PLCE1: variants seen among roughly 807,000 people sequenced by gnomAD.
PLCE1 encodes 1-phosphatidylinositol 4,5-bisphosphate phosphodiesterase epsilon-1.
PLCE1 carries 119 observed loss-of-function variants against 242.8 expected under a neutral mutation model. The observed-to-expected ratio is 0.49, with a 90% CI of 0.42 to 0.57. The LOEUF (loss-of-function observed/expected upper bound fraction) is 0.57, where lower values mean the gene tolerates loss of function less well. PLCE1 is among the 20% of genes least tolerant of loss of function. The pLI, the probability that PLCE1 is intolerant of heterozygous loss-of-function variation, is 0.00. For synonymous variants in PLCE1, 945 were observed against 1,017.4 expected (o/e 0.93, Z 1.35); for missense variants, 2,441 against 2,788.8 (o/e 0.88, Z 2.81).
chr10:94,154,939 A>G (rs993565117), intron 3 of PLCE1, among the ~76,000 whole-genome samples: 4 of 124,950 alleles, frequency 3.2e-5, no homozygotes, highest in Admixed American at 2.8e-4. Context: ...GTACCACTTC[A>G]CCCACTAGGA....
chr10:94,252,664 A>T (rs1326942405), intron 9 of PLCE1, among the ~76,000 whole-genome samples, 166 bp downstream of exon 9: 1 of 152,200 alleles, frequency 6.6e-6, no homozygotes, highest in African/African-American at 2.4e-5. Context: ...TGCTAGTGCC[A>T]GGAACACCAG....
rs938125815 is a variant in PLCE1, at chr10:94,227,244, G to GAA, written c.1810-54_1810-53dup. On this transcript the variant is annotated intron_variant, in intron 4 of 32. Transcript: ENST00000371380. ...TTTAGAAAAACAAAGAATGCTTTTG[G>GAA]AAAAAAAAATTGCCAAGCTTCTAGG... 2.7e-6 allele frequency: 4 copies of GAA among 1,491,576 alleles called. No homozygotes were observed. The African/African-American group carries it at 5.5e-5, about 21-fold the overall frequency. The allele number at this position is 1,491,576 out of a possible 1,614,324, so 92.4% of individuals were successfully genotyped here.
Position 94,183,049 on chromosome 10 carries a change from T to C in PLCE1, c.1809+11553T>C, listed in dbSNP as rs2048360345. Among the ~76,000 whole-genome samples, 5 of 152,180 alleles carry C rather than the reference T, an allele frequency of 3.3e-5. No individual in the cohort carries two copies. In the South Asian group the frequency reaches 1.0e-3, roughly 32 times the overall value. ...ATCACTTAAATGACTCTGAACACTG[T>C]GGGAAAGATCAGGTCAGCTTTGGTC... On this transcript the variant is annotated intron_variant, in intron 4 of 32. Coordinates refer to ENST00000371380, the MANE Select transcript of PLCE1 (RefSeq NM_016341.4).
intron 3 of PLCE1, among the ~76,000 whole-genome samples, chr10:94,154,194 A>G (rs1167374597): frequency 6.6e-6 from 1 of 152,218 alleles, no homozygotes; most frequent in Non-Finnish European, 1.5e-5. Context: ...AATTTTCAAC[A>G]AAGATGCCAA....
chr10:94,205,675 T>C (rs2049134323), intron 4 of PLCE1, among the ~76,000 whole-genome samples: 1 of 152,254 alleles, frequency 6.6e-6, no homozygotes, highest in African/African-American at 2.4e-5. Context: ...CCTAATGCCC[T>C]TTCCAGGATG....
intron 2 of PLCE1, among the ~76,000 whole-genome samples, chr10:94,038,701 T>A (rs1049131113): frequency 1.3e-5 from 2 of 152,032 alleles, no homozygotes; most frequent in Non-Finnish European, 2.9e-5. Flanking sequence ...TGTCTTCTTA[T>A]TTTTTTTAAC....
chr10:94,047,399 C>T (rs543252611), intron 2 of PLCE1, among the ~76,000 whole-genome samples: 1 of 152,316 alleles, frequency 6.6e-6, no homozygotes, highest in South Asian at 2.1e-4. Context: ...TTTTCTTTCA[C>T]AGGAGTCCAT....
In PLCE1 at chr10:94,278,670, T is replaced by G. The variant is rs115704466; in HGVS notation, c.4666-1112T>G. 2.4e-3 allele frequency among the ~76,000 whole-genome samples: 364 copies of G among 152,284 alleles called. 3 individuals carry two copies. The highest frequency in any genetic ancestry group is 8.4e-3 in the African/African-American group (350 of 41,564). On this transcript the variant is annotated intron_variant, in intron 19 of 32. Transcript: ENST00000371380. The stretch of plus-strand genomic sequence containing the variant: ...GTCTCACCAGACAACCAGAGAAGTC[T>G]GTGATGCAAAAACAAGTGAAGAACC...
intron 4 of PLCE1, among the ~76,000 whole-genome samples, chr10:94,194,719 A>T (rs1400259213): frequency 6.6e-6 from 1 of 152,228 alleles, no homozygotes; most frequent in Non-Finnish European, 1.5e-5. Flanking sequence ...TATAACATTG[A>T]TCTAATATGT....
chr10:94,034,751 C>T (rs775891020), intron 2 of PLCE1, among the ~76,000 whole-genome samples: 2 of 152,148 alleles, frequency 1.3e-5, no homozygotes, highest in Non-Finnish European at 2.9e-5. Context: ...GGGTAGGGCA[C>T]AGCATGAATA....
At position 94,324,878 on chromosome 10, in the gene PLCE1, C is replaced by T; in HGVS notation, c.6721-14C>T. 6.2e-7 allele frequency: 1 copy of T among 1,613,430 alleles called. No homozygotes were observed. The highest frequency in any genetic ancestry group is 8.5e-7 in the Non-Finnish European group (1 of 1,179,514). ...TTTAACCTAACACCAATGGAAGGTTCTTTGTTCCCACAGGCATCTCGAGAA... is the reference window on the plus strand; with the variant it reads ...TTTAACCTAACACCAATGGAAGGTTTTTTGTTCCCACAGGCATCTCGAGAA... On this transcript the variant is annotated splice_polypyrimidine_tract_variant and intron_variant, in intron 31 of 32. Coordinates refer to ENST00000371380, the MANE Select transcript of PLCE1 (RefSeq NM_016341.4).
intron 28 of PLCE1, 71 bp from the exon 29 acceptor site, chr10:94,316,476 T>C: frequency 2.1e-6 from 2 of 952,678 alleles, no homozygotes; most frequent in South Asian, 2.6e-5. Flanking sequence ...CAAACCTATC[T>C]GAACACCATG....
At chr10:94,014,536 G>T (rs535484673) in intron 1 of PLCE1, among the ~76,000 whole-genome samples, 1 of 151,986 alleles carries the variant, frequency 6.6e-6, no homozygotes, top group East Asian at 1.9e-4. Context: ...AAAGTGTACA[G>T]TTCCGTGGCA....
At chr10:94,285,034 T>C (rs1339058477) in intron 22 of PLCE1, 69 bp downstream of exon 22, 2 of 883,614 alleles carry the variant, frequency 2.3e-6, no homozygotes, top group Non-Finnish European at 3.9e-6. Flanking sequence ...ATTTATTTAA[T>C]TGGGCATTGT....
intron 24 of PLCE1, among the ~76,000 whole-genome samples, chr10:94,301,373 T>G (rs1004547504): frequency 9.9e-5 from 15 of 151,680 alleles, no homozygotes; most frequent in East Asian, 1.9e-4. Flanking sequence ...AAATTATATA[T>G]ATAGATAGAT....
chr10:94,109,851 T>TG (rs1463841479), intron 2 of PLCE1, among the ~76,000 whole-genome samples: 1 of 150,692 alleles, frequency 6.6e-6, no homozygotes, highest in African/African-American at 2.4e-5. Context: ...AGCTCTGGGA[T>TG]GTTTTTTTTT....
chr10:94,033,178 G>C lies in PLCE1; in HGVS notation c.1206+926G>C, dbSNP rs551480044. Among the ~76,000 whole-genome samples the C allele has an allele frequency of 8.5e-5, 13 of 152,088 alleles. No homozygotes were observed. In the South Asian group the frequency reaches 1.9e-3, roughly 22 times the overall value. The stretch of plus-strand genomic sequence containing the variant: ...ACTTTGGTGTTCGAGGGGGTAGGGG[G>C]CAGTTCTGGAACCAGTTCCTCTGAG... On this transcript the variant is annotated intron_variant, in intron 2 of 32. Coordinates refer to ENST00000371380, the MANE Select transcript of PLCE1 (RefSeq NM_016341.4).
intron 4 of PLCE1, among the ~76,000 whole-genome samples, chr10:94,191,541 T>A (rs2048667219): frequency 6.6e-6 from 1 of 151,942 alleles, no homozygotes; most frequent in Non-Finnish European, 1.5e-5. Context: ...TCAGGGAGCC[T>A]GAGGTGGGAG....
intron 8 of PLCE1, among the ~76,000 whole-genome samples, chr10:94,250,723 G>C (rs1224438732): frequency 6.6e-6 from 1 of 152,106 alleles, no homozygotes; most frequent in East Asian, 1.9e-4. Context: ...AATCAAAGCA[G>C]TATAGGTTAA....
Sources: gnomAD v4.1 joint callset for allele counts (sites outside exome capture counted in the v4.1 genomes callset) on GRCh38, gnomAD v4.1.1 for gene constraint, MANE v1.5 for transcripts, NCBI Gene and HGNC (gene_info 2026-07-23, HGNC 2026-07-21) for gene names.